The following FHOD3 variants were observed in gnomAD, a reference collection of about 807,000 sequenced individuals.
The protein encoded by FHOD3 is FH1/FH2 domain-containing protein 3.
A neutral mutation model predicts 173.0 loss-of-function variants in FHOD3; 90 were observed. That is an observed-to-expected ratio of 0.52 (90% confidence interval 0.44 to 0.62). The LOEUF (loss-of-function observed/expected upper bound fraction) is 0.62. FHOD3 is among the 20% of genes least tolerant of loss of function. The pLI is 0.00. For missense variants in FHOD3, 1,945 were observed against 2,034.7 expected (o/e 0.96, Z 0.85); for synonymous variants, 828 against 823.0 (o/e 1.01, Z -0.10).
At chr18:36,673,401 C>G (rs2037656946) in intron 14 of FHOD3, among the ~76,000 whole-genome samples, 2 of 152,238 alleles carry the variant, frequency 1.3e-5, no homozygotes, top group Admixed American at 1.3e-4. Flanking sequence ...TGAAACCAGC[C>G]CTTTTATTAT....
At chr18:36,444,004 G>C (rs1353298488) in intron 3 of FHOD3, among the ~76,000 whole-genome samples, 1 of 152,028 alleles carries the variant, frequency 6.6e-6, no homozygotes, top group East Asian at 1.9e-4. Context: ...AGGAGATTGA[G>C]ACCATGGTGA....
intron 3 of FHOD3, among the ~76,000 whole-genome samples, chr18:36,487,758 A>AT (rs1409209440): frequency 6.6e-6 from 1 of 152,132 alleles, no homozygotes; most frequent in Non-Finnish European, 1.5e-5. Context: ...GGTATTTTGC[A>AT]TTTTTTTGTT....
chr18:36,308,240 T>TC (rs1285574084), intron 1 of FHOD3, among the ~76,000 whole-genome samples: 1 of 152,238 alleles, frequency 6.6e-6, no homozygotes, highest in African/African-American at 2.4e-5. Flanking sequence ...TTTGATTACT[T>TC]CCTTAAGACG....
chr18:36,718,235 C>T lies in FHOD3; in HGVS notation c.2937C>T (p.Ile979=). The T allele has an allele frequency of 6.2e-7, 1 of 1,614,188 alleles. No homozygotes were observed. The highest frequency in any genetic ancestry group is 8.5e-7 in the Non-Finnish European group (1 of 1,180,018). The stretch of plus-strand genomic sequence containing the variant: ...AGCCGAAGACAGAGTCTGATTACAT[C>T]TGGGACCAGCTCATGGCCAATCCAA... ...PVQPKTESDY[I]WDQLMANPRE... Residue 979 remains isoleucine (I), a synonymous_variant, in exon 19 of 29, where the codon ATC becomes ATT. Coordinates refer to ENST00000590592, the MANE Select transcript of FHOD3 (RefSeq NM_001281740.3).
intron 1 of FHOD3, among the ~76,000 whole-genome samples, chr18:36,329,312 TACCCCCACCCCCAA>T (rs1260996945): frequency 1.3e-5 from 2 of 152,116 alleles, no homozygotes; most frequent in Admixed American, 1.3e-4. Context: ...ACCACTCTTG[TACCCCCACCCCCAA>T]ATTCTGCCGC....
intron 5 of FHOD3, among the ~76,000 whole-genome samples, chr18:36,547,745 G>C (rs556344870): frequency 1.3e-5 from 2 of 152,354 alleles, no homozygotes; most frequent in African/African-American, 4.8e-5. Context: ...GAGGCAGCCT[G>C]TGTTCTTCAC....
At chr18:36,606,065 G>A (rs1416429812) in intron 8 of FHOD3, among the ~76,000 whole-genome samples, 1 of 152,190 alleles carries the variant, frequency 6.6e-6, no homozygotes, top group Non-Finnish European at 1.5e-5. Context: ...GGTGTTCAGG[G>A]AAAGCAGGAC....
At chr18:36,765,977 A>T (rs2043122164) in intron 27 of FHOD3, among the ~76,000 whole-genome samples, 1 of 152,122 alleles carries the variant, frequency 6.6e-6, no homozygotes, top group South Asian at 2.1e-4. Flanking sequence ...TATTTAAGAA[A>T]CTTAGGAAAT....
intron 18 of FHOD3, among the ~76,000 whole-genome samples, chr18:36,714,572 C>T (rs1452439086): frequency 6.6e-6 from 1 of 152,130 alleles, no homozygotes; most frequent in Non-Finnish European, 1.5e-5. Flanking sequence ...TATTATTTTC[C>T]CTGTTCCCAA....
At chr18:36,382,559 TAGA>T (rs2047843266) in intron 3 of FHOD3, among the ~76,000 whole-genome samples, 1 of 152,242 alleles carries the variant, frequency 6.6e-6, no homozygotes, top group South Asian at 2.1e-4. Flanking sequence ...TTGTTTCAAC[TAGA>T]AGGTCAGAGG....
At chr18:36,708,018 G>A (rs113991312) in intron 17 of FHOD3, among the ~76,000 whole-genome samples, 3 of 152,052 alleles carry the variant, frequency 2.0e-5, no homozygotes, top group Non-Finnish European at 4.4e-5. Flanking sequence ...GTGTATTCTC[G>A]ATCATTTTGC....
chr18:36,378,614 A>AG (rs1284234223), intron 3 of FHOD3, among the ~76,000 whole-genome samples: 31 of 150,986 alleles, frequency 2.1e-4, no homozygotes, highest in Non-Finnish European at 3.0e-4. Context: ...AAAAAAAAAA[A>AG]AGAGAGATGG....
At chr18:36,640,820 A>T (rs2035250715) in intron 10 of FHOD3, among the ~76,000 whole-genome samples, 1 of 152,080 alleles carries the variant, frequency 6.6e-6, no homozygotes, top group Non-Finnish European at 1.5e-5. Context: ...TGAAAGAAGG[A>T]TTGCCAAGCA....
At chr18:36,757,548 C>T (rs1000941982) in intron 25 of FHOD3, among the ~76,000 whole-genome samples, 2 of 152,196 alleles carry the variant, frequency 1.3e-5, no homozygotes, top group African/African-American at 2.4e-5. Context: ...ACCCCCTGAA[C>T]GTTGGAGCTA....
At chr18:36,760,919 C>A in intron 27 of FHOD3, 137 bp downstream of exon 27, 1 of 841,034 alleles carries the variant, frequency 1.2e-6, no homozygotes, top group Non-Finnish European at 1.8e-6. Flanking sequence ...CACACATTCC[C>A]TCACTAGCGT....
In FHOD3 at chr18:36,553,821, G is replaced by C. The variant is rs2057761825; in HGVS notation, c.512-22630G>C. Among the ~76,000 whole-genome samples the C allele has an allele frequency of 2.0e-5, 3 of 152,250 alleles. No individual in the cohort carries two copies. In the South Asian group the frequency reaches 6.2e-4, roughly 32 times the overall value. On this transcript the variant is annotated intron_variant, in intron 5 of 28. Coordinates refer to ENST00000590592, the MANE Select transcript of FHOD3 (RefSeq NM_001281740.3). ...ATCAAACAACCCTATCAAAAAGTGG[G>C]CGAAGGATATGAACAGACACTTCTC...
chr18:36,617,367 A>G (rs2033292623), intron 9 of FHOD3, among the ~76,000 whole-genome samples: 1 of 152,178 alleles, frequency 6.6e-6, no homozygotes, highest in African/African-American at 2.4e-5. Flanking sequence ...CTTTTTATAA[A>G]TGGAATCGTA....
intron 3 of FHOD3, among the ~76,000 whole-genome samples, chr18:36,458,910 A>C (rs1027367079): frequency 7.2e-5 from 11 of 151,776 alleles, no homozygotes; most frequent in African/African-American, 2.4e-4. Flanking sequence ...CCTTTCACAC[A>C]TTTTTTCAGA....
At chr18:36,448,932 G>T (rs2051659664) in intron 3 of FHOD3, among the ~76,000 whole-genome samples, 1 of 150,814 alleles carries the variant, frequency 6.6e-6, no homozygotes, top group African/African-American at 2.4e-5. Flanking sequence ...TCAACCCAGA[G>T]CCCCCCAGTT....
Sources: gnomAD v4.1 joint callset for allele counts (sites outside exome capture counted in the v4.1 genomes callset) on GRCh38, gnomAD v4.1.1 for gene constraint, MANE v1.5 for transcripts, NCBI Gene and HGNC (gene_info 2026-07-23, HGNC 2026-07-21) for gene names.